NAALADL2: variants seen among roughly 807,000 people sequenced by gnomAD.
The protein encoded by NAALADL2 is inactive N-acetylated-alpha-linked acidic dipeptidase-like protein 2.
NAALADL2 carries 76 observed loss-of-function variants against 87.2 expected under a neutral mutation model. The observed-to-expected ratio is 0.87, with a 90% CI of 0.72 to 1.05. The LOEUF is 1.05. Ranked by LOEUF, NAALADL2 falls within the 50% of genes least tolerant of loss-of-function variation. The probability of loss-of-function intolerance (pLI) is 0.00; values close to 1 mark genes in which losing one functional copy is unlikely to be tolerated. For synonymous variants in NAALADL2, 354 were observed against 331.0 expected (o/e 1.07, Z -0.75); for missense variants, 1,089 against 945.8 (o/e 1.15, Z -1.99).
chr3:174,652,680 A>G (rs765912789), intron 2 of NAALADL2, among the ~76,000 whole-genome samples: 1 of 152,200 alleles, frequency 6.6e-6, no homozygotes, highest in Non-Finnish European at 1.5e-5. Context: ...GCTATAGTGC[A>G]TGGTGAGATT....
At chr3:174,441,266 C>A (rs1405106648) in intron 1 of NAALADL2, among the ~76,000 whole-genome samples, 1 of 152,020 alleles carries the variant, frequency 6.6e-6, no homozygotes, top group Admixed American at 6.5e-5. Flanking sequence ...CGCGGGGTGG[C>A]GCGCGGGGCA....
At chr3:175,349,413 C>A (rs1763501967) in intron 5 of NAALADL2, among the ~76,000 whole-genome samples, 1 of 151,998 alleles carries the variant, frequency 6.6e-6, no homozygotes, top group Admixed American at 6.6e-5. Flanking sequence ...ACCACAGAGA[C>A]TAGAGTGTGC....
At chr3:174,887,003 C>G (rs1730240922) in intron 1 of NAALADL2, among the ~76,000 whole-genome samples, 1 of 152,152 alleles carries the variant, frequency 6.6e-6, no homozygotes, top group Non-Finnish European at 1.5e-5. Flanking sequence ...AGCTGTATTT[C>G]TACTCTAATA....
At chr3:174,842,490 A>G (rs1038172449) in intron 3 of NAALADL2, among the ~76,000 whole-genome samples, 3 of 152,192 alleles carry the variant, frequency 2.0e-5, no homozygotes, top group Non-Finnish European at 1.5e-5. Flanking sequence ...GTGGACTTAC[A>G]TGAAGGAAGC....
At position 174,953,812 on chromosome 3, in the gene NAALADL2, G is replaced by A. The variant is rs140534859; in HGVS notation, c.43+94362G>A. Reference sequence around the variant, plus strand: ...TGCGTGACTACTCCATATTTCTATTGTTTCTCATGGAATTAATCACTTTTT... The same window carrying A: ...TGCGTGACTACTCCATATTTCTATTATTTCTCATGGAATTAATCACTTTTT... On this transcript the variant is annotated intron_variant, in intron 1 of 13. Transcript: ENST00000454872. 9.0e-3 allele frequency among the ~76,000 whole-genome samples: 1,372 copies of A among 151,986 alleles called. 6 individuals are homozygous for A. The highest frequency in any genetic ancestry group is 0.011 in the Non-Finnish European group (731 of 67,922).
chr3:175,498,957 C>T (rs1406244744), intron 9 of NAALADL2, among the ~76,000 whole-genome samples: 1 of 152,004 alleles, frequency 6.6e-6, no homozygotes, highest in Non-Finnish European at 1.5e-5. Flanking sequence ...TACTTAAAAC[C>T]TTTATTTTCA....
At chr3:175,437,262 C>CA (rs777898830) in intron 5 of NAALADL2, among the ~76,000 whole-genome samples, 21 of 147,134 alleles carry the variant, frequency 1.4e-4, no homozygotes, top group East Asian at 1.2e-3. Flanking sequence ...TCTCAGGATA[C>CA]AAAATCAATG....
chr3:175,119,864 G>A (rs1014130352), intron 2 of NAALADL2, among the ~76,000 whole-genome samples: 11 of 132,226 alleles, frequency 8.3e-5, no homozygotes, highest in African/African-American at 2.5e-4. Flanking sequence ...ATGTAAGTGT[G>A]TATGTGTATG....
chr3:174,850,764 T>A (rs184938026), intron 3 of NAALADL2, among the ~76,000 whole-genome samples: 4 of 152,250 alleles, frequency 2.6e-5, no homozygotes, highest in Admixed American at 2.6e-4. Flanking sequence ...CAAGTGAATC[T>A]AATAGACATT....
intron 5 of NAALADL2, among the ~76,000 whole-genome samples, chr3:175,328,174 G>C (rs993136221): frequency 2.6e-5 from 4 of 152,152 alleles, no homozygotes; most frequent in African/African-American, 9.7e-5. Context: ...CATGGCACCA[G>C]TCCTGAAGAA....
At chr3:175,089,299 C>G (rs940263962) in intron 1 of NAALADL2, among the ~76,000 whole-genome samples, 1 of 152,054 alleles carries the variant, frequency 6.6e-6, no homozygotes, top group African/African-American at 2.4e-5. Context: ...GGTACCATAA[C>G]CAGGGATTAA....
intron 2 of NAALADL2, among the ~76,000 whole-genome samples, chr3:175,137,766 G>GTTTGTTTTGTTTTGT (rs1553787019): frequency 6.6e-6 from 1 of 151,034 alleles, no homozygotes; most frequent in Non-Finnish European, 1.5e-5. Context: ...ACCCAGCTAA[G>GTTTGTTTTGTTTTGT]TTTGTTTTGT....
chr3:174,702,130 T>C (rs1437820571), intron 2 of NAALADL2, among the ~76,000 whole-genome samples: 1 of 152,160 alleles, frequency 6.6e-6, no homozygotes, highest in Non-Finnish European at 1.5e-5. Flanking sequence ...AAGTATGTAG[T>C]GATATCTCAT....
At chr3:175,742,590 G>C (rs1371692675) in intron 12 of NAALADL2, among the ~76,000 whole-genome samples, 1 of 151,954 alleles carries the variant, frequency 6.6e-6, no homozygotes, top group East Asian at 1.9e-4. Flanking sequence ...GTAGAGACGG[G>C]GTTTCACCGT....
intron 2 of NAALADL2, among the ~76,000 whole-genome samples, chr3:174,687,288 G>A (rs897873663): frequency 6.6e-6 from 1 of 151,778 alleles, no homozygotes; most frequent in Non-Finnish European, 1.5e-5. Context: ...TCTTCTTCAG[G>A]TATCTATGCT....
At chr3:174,904,067 A>T (rs940555879) in intron 1 of NAALADL2, among the ~76,000 whole-genome samples, 1 of 151,722 alleles carries the variant, frequency 6.6e-6, no homozygotes, top group Non-Finnish European at 1.5e-5. Context: ...ATAGATATAC[A>T]GAGATATATA....
At chr3:175,125,198 T>G (rs1047025791) in intron 2 of NAALADL2, among the ~76,000 whole-genome samples, 9 of 152,024 alleles carry the variant, frequency 5.9e-5, no homozygotes, top group Admixed American at 5.2e-4. Context: ...TGAAATTAAA[T>G]GGATGGTTTA....
intron 3 of NAALADL2, among the ~76,000 whole-genome samples, chr3:174,752,395 C>T (rs1267991216): frequency 6.6e-6 from 1 of 152,078 alleles, no homozygotes; most frequent in East Asian, 1.9e-4. Context: ...AGGTTTTTAT[C>T]TCTTGAATTC....
intron 1 of NAALADL2, among the ~76,000 whole-genome samples, chr3:174,946,346 A>T (rs978749932): frequency 2.0e-5 from 3 of 152,150 alleles, no homozygotes; most frequent in Admixed American, 2.0e-4. Context: ...AATAGAATCT[A>T]TGGTAAAGAT....
Sources: gnomAD v4.1 joint callset for allele counts (sites outside exome capture counted in the v4.1 genomes callset) on GRCh38, gnomAD v4.1.1 for gene constraint, MANE v1.5 for transcripts, NCBI Gene and HGNC (gene_info 2026-07-23, HGNC 2026-07-21) for gene names.